The following NEK5 variants were observed in gnomAD, a reference collection of about 807,000 sequenced individuals.
NEK5 encodes the protein NIMA related kinase 5, also known as serine/threonine-protein kinase Nek5.
Under a neutral mutation model 109.2 loss-of-function variants are expected in NEK5, and 88 were observed. That is an observed-to-expected ratio of 0.81 (90% CI 0.68 to 0.96). The LOEUF (loss-of-function observed/expected upper bound fraction) is 0.96, where lower values mean the gene tolerates loss of function less well. Ranked by LOEUF, NEK5 falls within the 40% of genes least tolerant of loss-of-function variation. NEK5 has a pLI of 0.00. For synonymous variants in NEK5, 283 were observed against 299.9 expected (o/e 0.94, Z 0.58); for missense variants, 834 against 920.7 (o/e 0.91, Z 1.22).
intron 20 of NEK5, among the ~76,000 whole-genome samples, chr13:52,070,639 A>G (rs1260454118): frequency 6.6e-6 from 1 of 152,238 alleles, no homozygotes; most frequent in Non-Finnish European, 1.5e-5. Flanking sequence ...TTCCCCAGCC[A>G]TGTGGAACTG....
At chr13:52,071,840 G>T in intron 20 of NEK5, 104 bp downstream of exon 20, 1 of 980,536 alleles carries the variant, frequency 1.0e-6, no homozygotes, top group Non-Finnish European at 1.6e-6. Flanking sequence ...GGCAGAAAGG[G>T]GTCAAGTAAC....
intron 17 of NEK5, among the ~76,000 whole-genome samples, chr13:52,079,533 A>C (rs934608120): frequency 4.6e-5 from 7 of 152,300 alleles, no homozygotes; most frequent in East Asian, 1.9e-4. Flanking sequence ...AGCTCCTAAC[A>C]GCGAGTGATC....
At chr13:52,055,320 T>A (rs1954544695) in intron 22 of NEK5, among the ~76,000 whole-genome samples, 1 of 152,136 alleles carries the variant, frequency 6.6e-6, no homozygotes, top group African/African-American at 2.4e-5. Context: ...AATCTACGTC[T>A]GATTGGTGTA....
chr13:52,119,413 C>G lies in NEK5; in HGVS notation c.120G>C (p.Met40Ile). The G allele has an allele frequency of 6.5e-7, 1 of 1,548,892 alleles. No individual in the cohort carries two copies. The highest frequency in any genetic ancestry group is 1.1e-5 in the South Asian group (1 of 87,456). The change falls in exon 4 of 24, where the codon ATG (methionine) becomes ATC (isoleucine). Residue 40 changes from methionine to isoleucine, a missense_variant and splice_region_variant. Met to Ile is a conservative substitution (Grantham distance 10). Around this residue, in one of 2 missense-constraint regions of NEK5, gnomAD observed 777 missense variants for 824.7 expected, o/e 0.94. Coordinates refer to ENST00000684899, the MANE Select transcript of NEK5 (RefSeq NM_001365552.1). ...TTGAAGCTTCTTTTTCTTGTATGGG[C>G]ATCTAAATTACATTAAGAGACAGAG... ...CVIKEINFEK[M>I]PIQEKEASKK...
intron 16 of NEK5, 45 bp downstream of exon 16, chr13:52,086,232 C>T: frequency 8.6e-7 from 1 of 1,165,060 alleles, no homozygotes; most frequent in Non-Finnish European, 1.3e-6. Context: ...ATTTAGTTAG[C>T]TCTAAATCGA....
At position 52,087,245 on chromosome 13, in the gene NEK5, A is replaced by T. The variant is rs186696729; in HGVS notation, c.1392+93T>A. ...GCATGGTGTTGACATATTCAGGGGCACTGTAGGAAATAGAAGTAACTCCCT... is the reference window on the plus strand; with the variant it reads ...GCATGGTGTTGACATATTCAGGGGCTCTGTAGGAAATAGAAGTAACTCCCT... On this transcript the variant is annotated intron_variant, in intron 15 of 23. Coordinates refer to ENST00000684899, the MANE Select transcript of NEK5 (RefSeq NM_001365552.1). 231 of 659,498 alleles carry T rather than the reference A, an allele frequency of 3.5e-4. 2 individuals carry two copies. The East Asian group carries it at 5.8e-3, about 17-fold the overall frequency. 40.9% of individuals were successfully genotyped at this position (659,498 alleles called of 1,614,324 possible).
intron 7 of NEK5, among the ~76,000 whole-genome samples, chr13:52,109,661 T>A (rs1309860807): frequency 6.6e-6 from 1 of 152,104 alleles, no homozygotes; most frequent in Non-Finnish European, 1.5e-5. Flanking sequence ...ACTTGGAGAT[T>A]TCATCTGCAT....
At position 52,065,585 on chromosome 13, in the gene NEK5, G is replaced by A. The variant is rs777912045; in HGVS notation, c.1874C>T (p.Ala625Val). The A allele has an allele frequency of 1.9e-6, 3 of 1,613,568 alleles. No individual in the cohort carries two copies. The highest frequency in any genetic ancestry group is 3.3e-5 in the Admixed American group (2 of 59,998). Reference protein sequence around the residue: ...EAGFSTQTVAAVGNRRQWDGG... With the variant: ...EAGFSTQTVAVVGNRRQWDGG... ...ATCCCACTGCCTCCTGTTTCCCACA[G>A]CAGCTACAGTCTGCGTGGAAAACCC... The change falls in exon 21 of 24, where the codon GCT (alanine) becomes GTT (valine). Residue 625 changes from alanine to valine, a missense_variant. Ala to Val is a moderately conservative substitution (Grantham distance 64). This residue lies in a region of NEK5 where 777 missense variants were observed against 824.7 expected (regional missense o/e 0.94). Transcript: ENST00000684899.
At chr13:52,108,208 A>C in intron 8 of NEK5, 110 bp downstream of exon 8, 1 of 689,440 alleles carries the variant, frequency 1.5e-6, no homozygotes, top group Non-Finnish European at 2.5e-6. Context: ...GAAATTACAA[A>C]AGTACCATAA....
chr13:52,087,632 A>T (rs372626724), intron 14 of NEK5, among the ~76,000 whole-genome samples, 178 bp from the exon 15 acceptor site: 57 of 151,882 alleles, frequency 3.8e-4, no homozygotes, highest in Admixed American at 4.6e-4. Flanking sequence ...AAAAATATAT[A>T]TTTTTTTCTG....
chr13:52,092,981 T>C, intron 13 of NEK5, 73 bp downstream of exon 13: 2 of 1,027,694 alleles, frequency 1.9e-6, no homozygotes, highest in Non-Finnish European at 2.8e-6. Context: ...GAATTTGGAT[T>C]TCAGAATAAT....
chr13:52,105,128 C>T (rs1348876380), intron 8 of NEK5, among the ~76,000 whole-genome samples: 1 of 151,860 alleles, frequency 6.6e-6, no homozygotes, highest in Admixed American at 6.6e-5. Flanking sequence ...ACAATTAAAT[C>T]TAAAAGATCA....
intron 8 of NEK5, among the ~76,000 whole-genome samples, chr13:52,107,949 G>C (rs894899057): frequency 6.6e-6 from 1 of 152,124 alleles, no homozygotes; most frequent in Non-Finnish European, 1.5e-5. Flanking sequence ...AGATTAAAAG[G>C]AGTTAATCAG....
At chr13:52,115,535 G>A (rs1245173950) in intron 4 of NEK5, among the ~76,000 whole-genome samples, 1 of 149,594 alleles carries the variant, frequency 6.7e-6, no homozygotes, top group Non-Finnish European at 1.5e-5. Flanking sequence ...AACCCGGGAG[G>A]TGGAGGTGCA....
At chr13:52,053,633 G>T (rs865844090) in intron 22 of NEK5, among the ~76,000 whole-genome samples, 6 of 152,068 alleles carry the variant, frequency 3.9e-5, no homozygotes, top group South Asian at 2.1e-4. Flanking sequence ...GAACTTCAAG[G>T]CTGCAGCTAA....
chr13:52,089,070 A>T (rs1955217171), intron 14 of NEK5, among the ~76,000 whole-genome samples, 177 bp downstream of exon 14: 2 of 147,504 alleles, frequency 1.4e-5, no homozygotes, highest in Non-Finnish European at 3.0e-5. Context: ...CAGCCTGGTG[A>T]CAGAGCGAGA....
chr13:52,121,572 A>G (rs1955971234), intron 3 of NEK5, among the ~76,000 whole-genome samples: 1 of 152,236 alleles, frequency 6.6e-6, no homozygotes, highest in Admixed American at 6.5e-5. Flanking sequence ...AAGTTACTCT[A>G]ATAATGCACG....
chr13:52,093,176 A>AT lies in NEK5; in HGVS notation c.1085dup (p.Tyr362Ter). 6 of 1,613,648 alleles carry AT rather than the reference A, an allele frequency of 3.7e-6. No individual in the cohort carries two copies. The highest frequency in any genetic ancestry group is 5.1e-6 in the Non-Finnish European group (6 of 1,179,618). The change falls in exon 13 of 24, where the codon TAT (tyrosine) becomes TAAT (stop). Residue 362 changes from tyrosine to a stop codon, truncating the protein, a stop_gained and frameshift_variant. Coordinates refer to ENST00000684899, the MANE Select transcript of NEK5 (RefSeq NM_001365552.1). LOFTEE classifies it high-confidence loss of function. ...AAVCGHYDYY[Y>*]AQLDMLRRRA... ...TCCTCCTCAGCATATCAAGTTGAGC[A>AT]TAATAATAATCATAATGTCCACAGA...
Position 52,110,332 on chromosome 13 carries a change from GTACT to G in NEK5, c.467+4_467+7del. The G allele has an allele frequency of 4.4e-6, 7 of 1,582,576 alleles. No homozygotes were observed. The highest frequency in any genetic ancestry group is 6.1e-6 in the Non-Finnish European group (7 of 1,151,808). On this transcript the variant is annotated splice_donor_5th_base_variant and intron_variant, in intron 7 of 23. Transcript: ENST00000684899. ...ACTAGAAAGAAAAATTATTTTCAAA[GTACT>G]TACTTATTCAGGACTCTTGCTATAC...
Sources: gnomAD v4.1 joint callset for allele counts (sites outside exome capture counted in the v4.1 genomes callset) on GRCh38, gnomAD v4.1.1 for gene constraint, gnomAD v4.1.1 regional missense constraint, MANE v1.5 for transcripts, NCBI Gene and HGNC (gene_info 2026-07-23, HGNC 2026-07-21) for gene names.